Variants in DNAH1 observed in about 807,000 individuals in gnomAD.
DNAH1 encodes the protein axonemal beta dynein heavy chain 1.
In DNAH1, 327 loss-of-function variants were observed where a neutral mutation model predicts 484.3. The observed-to-expected ratio is 0.68, with a 90% CI of 0.62 to 0.74. The LOEUF (loss-of-function observed/expected upper bound fraction) is 0.74, where lower values mean the gene tolerates loss of function less well. Among genes scored for constraint, DNAH1 ranks in the 30% least tolerant of loss-of-function variants. The pLI, the probability that DNAH1 is intolerant of heterozygous loss-of-function variation, is 0.00. For synonymous variants in DNAH1, 2,192 were observed against 2,191.9 expected, an observed-to-expected ratio of 1.00 and a Z score of 0.00; for missense variants, 5,052 against 5,546.8, an observed-to-expected ratio of 0.91 and a Z score of 2.83.
intron 41 of DNAH1, 150 bp downstream of exon 41, chr3:52,370,975 A>T (rs923848592): frequency 1.3e-5 from 10 of 746,020 alleles, no homozygotes; most frequent in African/African-American, 5.3e-5. Context: ...ATGAATCCTC[A>T]TGGCCCTGTA....
chr3:52,385,508 A>G, intron 54 of DNAH1, 61 bp downstream of exon 54: 2 of 1,410,294 alleles, frequency 1.4e-6, no homozygotes, highest in Non-Finnish European at 9.8e-7. Flanking sequence ...GCACCCCCAC[A>G]CAGGCGCAGG....
chr3:52,346,555 G>A lies in DNAH1; in HGVS notation c.1740G>A (p.Trp580Ter). 6.2e-7 allele frequency: 1 copy of A among 1,614,056 alleles called. No individual in the cohort carries two copies. The highest frequency in any genetic ancestry group is 8.5e-7 in the Non-Finnish European group (1 of 1,179,890). Residue 580 changes from tryptophan to a stop codon, truncating the protein, a stop_gained, in exon 11 of 78, where the codon TGG becomes TGA. Coordinates refer to ENST00000420323, the MANE Select transcript of DNAH1 (RefSeq NM_015512.5). LOFTEE classifies it high-confidence loss of function. ...GCCTGCGCGACATGAGCAAGGGCTG[G>A]TACAACCTCTACGAGACCAACTGGG... ...RSSLRDMSKG[W>*]YNLYETNWEV...
rs539311526 is a variant in DNAH1, at chr3:52,372,382, C to G, written c.6822C>G (p.Asp2274Glu). The G allele has an allele frequency of 3.5e-5, 56 of 1,613,692 alleles. No individual in the cohort carries two copies. In the East Asian group the frequency reaches 1.1e-3, roughly 33 times the overall value. ...AGGACTTCATTGACAGCAAGCTGGA[C>G]AAGAGGCAGGGCACCCCTCCCTCCT... ...QTQDFIDSKL[D>E]KRRKGVFGPP... Residue 2274 changes from aspartate (D) to glutamate (E), a missense_variant, in exon 43 of 78, where the codon GAC (aspartate) becomes GAG (glutamate). Around this residue, in one of 4 missense-constraint regions of DNAH1, gnomAD observed 2,929 missense variants for 3,409.4 expected, o/e 0.86. Coordinates refer to ENST00000420323, the MANE Select transcript of DNAH1 (RefSeq NM_015512.5).
At chr3:52,343,661 C>T (rs1702029759) in intron 8 of DNAH1, among the ~76,000 whole-genome samples, 1 of 152,114 alleles carries the variant, frequency 6.6e-6, no homozygotes, top group Non-Finnish European at 1.5e-5. Flanking sequence ...AACTGAGATT[C>T]CCTTGTGGTG....
intron 34 of DNAH1, among the ~76,000 whole-genome samples, chr3:52,365,504 C>T (rs564587150): frequency 1.3e-5 from 2 of 152,336 alleles, no homozygotes; most frequent in East Asian, 3.9e-4. Context: ...GCCCTTCCTT[C>T]ACTGACTTGT....
rs1304898370 is a variant in DNAH1 at position 52,379,244 on chromosome 3, C to T, written c.7377+464C>T. 1.3e-5 allele frequency among the ~76,000 whole-genome samples: 2 copies of T among 151,770 alleles called. No homozygotes were observed. The highest frequency in any genetic ancestry group is 2.9e-5 in the Non-Finnish European group (2 of 67,966). ...GGGTGTAATGAGCCGTGTGGGTGGG[C>T]GGGGGACAGACCTGCACTTTGGAAT... is the stretch of plus-strand genomic sequence containing the variant. On this transcript the variant is annotated intron_variant, in intron 47 of 77. Transcript: ENST00000420323. This position sits in a 1 kb window ranked among gnomAD's most constrained non-coding sequence, Gnocchi z 4.4.
At position 52,355,006 on chromosome 3, in the gene DNAH1, C is replaced by T; in HGVS notation, c.3644C>T (p.Pro1215Leu). Residue 1215 changes from proline (P) to leucine (L), a missense_variant, in exon 21 of 78, where the codon CCC becomes CTC. Transcript: ENST00000420323. The surrounding 1 kb of genome is among the most constrained non-coding windows in gnomAD (Gnocchi z 4.5). ...ATGTCATTTTCACCCTACAAGAAGC[C>T]CTTTGAGCAGCGCATCAACTCCTGG... ...QNMSFSPYKK[P>L]FEQRINSWEN... 4 of 1,613,962 alleles carry T rather than the reference C, an allele frequency of 2.5e-6. No homozygotes were observed. Among genetic ancestry groups the T allele is most frequent in the East Asian group, 4.5e-5 (2 of 44,888 alleles).
Position 52,368,779 on chromosome 3 carries a change from C to A in DNAH1, c.5804C>A (p.Ala1935Asp), listed in dbSNP as rs370590676. 215 of 1,613,806 alleles carry A rather than the reference C, an allele frequency of 1.3e-4. No individual in the cohort carries two copies. Among genetic ancestry groups the A allele is most frequent in the Non-Finnish European group, 1.8e-4 (209 of 1,179,888 alleles). The change falls in exon 37 of 78, where the codon GCC (alanine) becomes GAC (aspartate). Residue 1935 changes from alanine to aspartate, a missense_variant. By Grantham distance (126) the Ala-to-Asp change is moderately radical (BLOSUM62 -2). This residue lies in a region of DNAH1 where 2,929 missense variants were observed against 3,409.4 expected (regional missense o/e 0.86). Transcript: ENST00000420323. This position sits in a 1 kb window ranked among gnomAD's most constrained non-coding sequence, Gnocchi z 4.4. Reference protein sequence around the residue: ...GIFSSFIRAGAITSDTNKKWY... With the variant: ...GIFSSFIRAGDITSDTNKKWY... ...TTCTCCTCGTTCATCCGGGCGGGGG[C>A]CATCACCTCCGACACCAACAAGAAG... is the stretch of plus-strand genomic sequence containing the variant.
At chr3:52,314,993 A>G (rs1174744540), upstream of DNAH1, among the ~76,000 whole-genome samples, 1 of 152,196 alleles carries the variant, frequency 6.6e-6, no homozygotes, top group Admixed American at 6.5e-5. Flanking sequence ...CTTGTCTGTC[A>G]AGGTGATCAT....
intron 64 of DNAH1, 31 bp from the exon 65 acceptor site, chr3:52,392,799 T>TGGGGGGGGGGGGGGGGGGGGGGGCG: frequency 7.8e-7 from 1 of 1,274,376 alleles, no homozygotes; most frequent in Non-Finnish European, 1.1e-6. Context: ...TTCTGCTCTT[T>TGGGGGGGGGGGGGGGGGGGGGGGCG]GACCCCTCCC....
Position 52,379,545 on chromosome 3 carries a change from T to C in DNAH1, c.7378-360T>C, listed in dbSNP as rs1703747835. On this transcript the variant is annotated intron_variant, in intron 47 of 77. Coordinates refer to ENST00000420323, the MANE Select transcript of DNAH1 (RefSeq NM_015512.5). This position sits in a 1 kb window ranked among gnomAD's most constrained non-coding sequence, Gnocchi z 4.4. ...TAGATGTGGGGTGTTGGGAAAGTGT[T>C]AGGAGCATCAAGCATCCCTCCCAGG... 1.3e-5 allele frequency among the ~76,000 whole-genome samples: 2 copies of C among 151,764 alleles called. No homozygotes were observed. Among genetic ancestry groups the C allele is most frequent in the Non-Finnish European group, 2.9e-5 (2 of 67,930 alleles).
At chr3:52,350,426 ACCCGTCTCTGGGGAG>A in intron 15 of DNAH1, 67 bp from the exon 16 acceptor site, 1 of 1,332,348 alleles carries the variant, frequency 7.5e-7, no homozygotes, top group South Asian at 1.2e-5. Flanking sequence ...CCTCTCTAGT[ACCCGTCTCTGGGGAG>A]CCAGGTTCCG....
At chr3:52,397,633 C>A in intron 73 of DNAH1, 74 bp from the exon 74 acceptor site, 1 of 1,372,034 alleles carries the variant, frequency 7.3e-7, no homozygotes. Context: ...TGGGGATGTG[C>A]TCCATTGGAG....
chr3:52,386,953 C>A, intron 56 of DNAH1, 100 bp downstream of exon 56: 1 of 1,242,170 alleles, frequency 8.1e-7, no homozygotes, highest in Non-Finnish European at 1.1e-6. Context: ...ACATCATCTG[C>A]ATGTGCAGTG....
intron 2 of DNAH1, among the ~76,000 whole-genome samples, 168 bp downstream of exon 2, chr3:52,322,943 C>T (rs755712309): frequency 2.6e-5 from 4 of 152,236 alleles, no homozygotes; most frequent in East Asian, 1.9e-4. Context: ...CCTCATCCAT[C>T]CTTCCATCCA....
intron 48 of DNAH1, among the ~76,000 whole-genome samples, chr3:52,380,760 G>A (rs1007241345): frequency 5.3e-5 from 8 of 152,274 alleles, no homozygotes; most frequent in Non-Finnish European, 1.0e-4. Flanking sequence ...CCCAGTACAC[G>A]GTGCTCTGAT....
chr3:52,367,438 G>A (rs1004194254), intron 36 of DNAH1, among the ~76,000 whole-genome samples: 3 of 152,040 alleles, frequency 2.0e-5, no homozygotes, highest in African/African-American at 7.2e-5. Flanking sequence ...CTTCCACAAC[G>A]TGAACCTGTA....
In DNAH1 at chr3:52,388,190, C is replaced by T. The variant is rs1337055714; in HGVS notation, c.9027C>T (p.Ile3009=). ...FDKDNIGDVV[I]KAIQPYIDNE... is the part of the protein sequence containing the mutation. ...AGGACAACATTGGGGATGTGGTGAT[C>T]AAAGCCATCCAGCCGTACATCGATA... Residue 3009 remains isoleucine (I), a synonymous_variant, in exon 57 of 78, where the codon ATC becomes ATT. Coordinates refer to ENST00000420323, the MANE Select transcript of DNAH1 (RefSeq NM_015512.5). 3 of 1,609,542 alleles carry T rather than the reference C, an allele frequency of 1.9e-6. No homozygotes were observed. The African/African-American group carries it at 4.0e-5, about 22-fold the overall frequency.
chr3:52,361,105 G>T lies in DNAH1; in HGVS notation c.4686-59G>T. On this transcript the variant is annotated intron_variant, in intron 28 of 77. Coordinates refer to ENST00000420323, the MANE Select transcript of DNAH1 (RefSeq NM_015512.5). This position sits in a 1 kb window ranked among gnomAD's most constrained non-coding sequence, Gnocchi z 5.6. ...GGCCCCAGTCCACAGGAAATTCCAA[G>T]GAAAGGGGGAGTGTCCAGGCCATGT... The T allele has an allele frequency of 7.2e-7, 1 of 1,382,116 alleles. No homozygotes were observed. The highest frequency in any genetic ancestry group is 2.8e-5 in the East Asian group (1 of 36,094). The allele number at this position is 1,382,116 out of a possible 1,614,324, so 85.6% of individuals were successfully genotyped here.
Sources: allele counts gnomAD v4.1 joint callset (sites outside exome capture counted in the v4.1 genomes callset), GRCh38; gene constraint gnomAD v4.1.1; regional missense constraint gnomAD v4.1.1; non-coding constraint Gnocchi (gnomAD v3.1); transcripts MANE v1.5; gene names NCBI Gene and HGNC (gene_info 2026-07-23, HGNC 2026-07-21).